The following COL11A1 variants were observed in gnomAD, a reference collection of about 807,000 sequenced individuals.
COL11A1 encodes the protein collagen type XI alpha 1 chain, also known as collagen alpha-1(XI) chain.
In COL11A1, 74 loss-of-function variants were observed where a neutral mutation model predicts 265.2. That is an observed-to-expected ratio of 0.28 (90% CI 0.23 to 0.34). The LOEUF (loss-of-function observed/expected upper bound fraction) is 0.34. Ranked by LOEUF, COL11A1 falls within the 10% of genes least tolerant of loss-of-function variation. The pLI is 1.00. For synonymous variants in COL11A1, 816 were observed against 727.6 expected, an observed-to-expected ratio of 1.12 and a Z score of -1.96; for missense variants, 2,165 against 2,263.6, an observed-to-expected ratio of 0.96 and a Z score of 0.88.
chr1:102,943,452 TACACACACACAC>T (rs199996712), intron 42 of COL11A1, among the ~76,000 whole-genome samples: 1 of 79,374 alleles, frequency 1.3e-5, no homozygotes, highest in African/African-American at 4.0e-5. Flanking sequence ...CACACACACA[TACACACACACAC>T]ACACACACAC....
At chr1:103,066,241 A>T (rs113596786) in intron 4 of COL11A1, among the ~76,000 whole-genome samples, 4,641 of 152,064 alleles carry the variant, frequency 0.031, 268 homozygotes, top group African/African-American at 0.11. Flanking sequence ...CTTAGATATA[A>T]AATTATATTT....
At chr1:102,984,926 G>A (rs1387597787) in intron 30 of COL11A1, among the ~76,000 whole-genome samples, 1 of 151,752 alleles carries the variant, frequency 6.6e-6, no homozygotes, top group East Asian at 1.9e-4. Flanking sequence ...AAGTTATAAT[G>A]AAGTCCAACA....
intron 4 of COL11A1, among the ~76,000 whole-genome samples, chr1:103,053,437 T>C (rs951900530): frequency 6.6e-6 from 1 of 152,208 alleles, no homozygotes; most frequent in Non-Finnish European, 1.5e-5. Context: ...TAAAGTACAG[T>C]AGCATCTAGA....
intron 7 of COL11A1, among the ~76,000 whole-genome samples, chr1:103,024,111 A>G (rs1667330064): frequency 6.6e-6 from 1 of 152,102 alleles, no homozygotes; most frequent in South Asian, 2.1e-4. Flanking sequence ...TGAGGCTCAA[A>G]TTAAATAACT....
At chr1:103,048,657 C>G (rs1669521720) in intron 4 of COL11A1, among the ~76,000 whole-genome samples, 1 of 152,064 alleles carries the variant, frequency 6.6e-6, no homozygotes, top group African/African-American at 2.4e-5. Context: ...AATGTGTTTG[C>G]TCTTGCTTCT....
chr1:102,897,170 C>T (rs1012547290), intron 57 of COL11A1, among the ~76,000 whole-genome samples: 1 of 151,926 alleles, frequency 6.6e-6, no homozygotes, highest in African/African-American at 2.4e-5. Context: ...GATGCTGTGG[C>T]ATCTTTGTTA....
chr1:103,027,169 G>A (rs1667584428), intron 5 of COL11A1, among the ~76,000 whole-genome samples: 1 of 150,926 alleles, frequency 6.6e-6, no homozygotes, highest in Admixed American at 6.6e-5. Context: ...TAATTAAGGA[G>A]AGATATGTTT....
intron 57 of COL11A1, among the ~76,000 whole-genome samples, chr1:102,895,786 T>G (rs745621329): frequency 6.7e-6 from 1 of 150,298 alleles, no homozygotes; most frequent in Non-Finnish European, 1.5e-5. Flanking sequence ...GGTCCAACTC[T>G]GTGTATATCT....
chr1:103,057,489 G>A (rs1276075428), intron 4 of COL11A1, among the ~76,000 whole-genome samples: 1 of 152,172 alleles, frequency 6.6e-6, no homozygotes. Context: ...CTGGAATGGT[G>A]AATCTTTTCT....
At chr1:102,890,887 AT>A (rs1233273039) in intron 57 of COL11A1, among the ~76,000 whole-genome samples, 3 of 151,506 alleles carry the variant, frequency 2.0e-5, no homozygotes, top group Non-Finnish European at 4.4e-5. Flanking sequence ...TTTTAGTAAC[AT>A]TTTTGAAAAA....
intron 58 of COL11A1, among the ~76,000 whole-genome samples, 169 bp from the exon 59 acceptor site, chr1:102,889,731 T>C (rs1343176204): frequency 6.6e-6 from 1 of 152,150 alleles, no homozygotes; most frequent in Non-Finnish European, 1.5e-5. Flanking sequence ...AATCTCCTTC[T>C]CATCACCTAA....
At chr1:103,060,693 G>A (rs975009603) in intron 4 of COL11A1, among the ~76,000 whole-genome samples, 12 of 152,000 alleles carry the variant, frequency 7.9e-5, no homozygotes, top group Admixed American at 1.3e-4. Context: ...CAGGTGAGGC[G>A]GCACATGCAT....
At chr1:103,028,562 A>G (rs34456893) in intron 5 of COL11A1, among the ~76,000 whole-genome samples, 12,024 of 152,188 alleles carry the variant, frequency 0.079, 528 homozygotes, top group Middle Eastern at 0.15. Flanking sequence ...AGTTATAATC[A>G]ATCAGACAAA....
chr1:102,904,866 C>T (rs1276694352), intron 54 of COL11A1, among the ~76,000 whole-genome samples: 1 of 152,052 alleles, frequency 6.6e-6, no homozygotes, highest in Non-Finnish European at 1.5e-5. Flanking sequence ...CCAGCCATCC[C>T]ATTACTGGGT....
intron 13 of COL11A1, among the ~76,000 whole-genome samples, chr1:103,014,304 T>C (rs557398799): frequency 2.0e-5 from 3 of 152,260 alleles, no homozygotes; most frequent in East Asian, 1.9e-4. Flanking sequence ...CAACATTGCA[T>C]TGGTCAACTA....
intron 47 of COL11A1, among the ~76,000 whole-genome samples, chr1:102,922,405 G>T (rs76375523): frequency 0.01 from 1,531 of 152,062 alleles, 28 homozygotes; most frequent in African/African-American, 0.035. Flanking sequence ...CAGAAAAGTG[G>T]TTTTTTTCTG....
intron 28 of COL11A1, among the ~76,000 whole-genome samples, chr1:102,992,276 A>T (rs1384190984): frequency 6.6e-6 from 1 of 152,076 alleles, no homozygotes; most frequent in African/African-American, 2.4e-5. Context: ...AAATTATCAG[A>T]TAAAGAAAAA....
intron 54 of COL11A1, among the ~76,000 whole-genome samples, chr1:102,902,913 G>A (rs983533219): frequency 4.6e-5 from 7 of 151,534 alleles, no homozygotes; most frequent in African/African-American, 1.7e-4. Context: ...TGATGTGTGT[G>A]TGCATAATAA....
chr1:102,888,554 C>T (rs1387806136), intron 62 of COL11A1, 23 bp downstream of exon 62: 1 of 1,604,872 alleles, frequency 6.2e-7, no homozygotes, highest in Non-Finnish European at 8.5e-7. Flanking sequence ...GTCAGAACAT[C>T]ACTCTTGTTA....
Sources: allele counts gnomAD v4.1 joint callset (sites outside exome capture counted in the v4.1 genomes callset), GRCh38; gene constraint gnomAD v4.1.1; transcripts MANE v1.5; gene names NCBI Gene and HGNC (gene_info 2026-07-23, HGNC 2026-07-21).